Variants in FANCG observed in about 807,000 individuals in gnomAD.
The protein encoded by FANCG is Fanconi anemia group G protein.
FANCG carries 67 observed loss-of-function variants against 73.3 expected under a neutral mutation model. That is an observed-to-expected ratio of 0.91 (90% CI 0.75 to 1.12). The LOEUF (loss-of-function observed/expected upper bound fraction) is 1.12. Ranked by LOEUF, FANCG falls within the 50% of genes most tolerant of loss-of-function variation. The pLI, the probability that FANCG is intolerant of heterozygous loss-of-function variation, is 0.00. For missense variants in FANCG, 643 were observed against 735.6 expected (o/e 0.87, Z 1.46); for synonymous variants, 297 against 311.6 (o/e 0.95, Z 0.49).
chr9:35,076,017 G>C lies in FANCG; in HGVS notation c.1088C>G (p.Ala363Gly). The change falls in exon 9 of 14, where the codon GCT becomes GGT. Residue 363 changes from alanine to glycine, a missense_variant. Coordinates refer to ENST00000378643, the MANE Select transcript of FANCG (RefSeq NM_004629.2). ...CAGCAGGTCCAAGTAATGCTCTGCA[G>C]CGTCTCCTGCCCTGAGGAGTAAAAG... Reference protein sequence around the residue: ...RCLQTGRAGDAAEHYLDLLAL... With the variant: ...RCLQTGRAGDGAEHYLDLLAL... 6.2e-7 allele frequency: 1 copy of C among 1,614,070 alleles called. No individual in the cohort carries two copies. Among genetic ancestry groups the C allele is most frequent in the Non-Finnish European group, 8.5e-7 (1 of 1,180,026 alleles).
chr9:35,079,030 C>A lies in FANCG; in HGVS notation c.175+121G>T, dbSNP rs1829135825. On this transcript the variant is annotated intron_variant, in intron 2 of 13. Transcript: ENST00000378643. ...ACAAAGATGATTCCACTCCAGTCTCCTCTGTGCCTTAAACAGGACTCCCTG... is the reference window on the plus strand; with the variant it reads ...ACAAAGATGATTCCACTCCAGTCTCATCTGTGCCTTAAACAGGACTCCCTG... The A allele has an allele frequency of 4.2e-5, 37 of 871,686 alleles. No individual in the cohort carries two copies. In the South Asian group the frequency reaches 5.3e-4, roughly 12 times the overall value. The allele number at this position is 871,686 out of a possible 1,614,324, so 54.0% of individuals were successfully genotyped here. A position where few individuals can be genotyped will look rare whatever the true frequency, so the allele number is the denominator to read the frequency against.
rs779677132 is a variant in FANCG, at chr9:35,078,165, T to A, written c.486A>T (p.Leu162Phe). ...SADRLGDLAL[L>F]LETLNGSQSG... ...CCTGGCTGCCATTCAGGGTCTCTAG[T>A]AACAAGGCCAGGTCCCCAAGACGGT... The change falls in exon 4 of 14, where the codon TTA becomes TTT. Residue 162 changes from leucine (L) to phenylalanine (F), a missense_variant. Transcript: ENST00000378643. The A allele has an allele frequency of 5.0e-6, 8 of 1,614,082 alleles. No homozygotes were observed. The highest frequency in any genetic ancestry group is 6.8e-6 in the Non-Finnish European group (8 of 1,180,016).
intron 3 of FANCG, 64 bp from the exon 4 acceptor site, chr9:35,078,407 C>A (rs1587143669): frequency 6.4e-7 from 1 of 1,560,294 alleles, no homozygotes; most frequent in East Asian, 2.3e-5. Context: ...TCCTCCATCT[C>A]CCCACACACT....
In FANCG at chr9:35,075,674, G is replaced by T; in HGVS notation, c.1224C>A (p.Gly408=). The T allele has an allele frequency of 6.2e-7, 1 of 1,607,848 alleles. No homozygotes were observed. Among genetic ancestry groups the T allele is most frequent in the Non-Finnish European group, 8.5e-7 (1 of 1,177,588 alleles). Reference sequence around the variant, plus strand: ...ATAGAGTCAAGGCATCTTGGGCTCTGCCTGCCTGGATCAGTGCTACCGCTG... The same window carrying T: ...ATAGAGTCAAGGCATCTTGGGCTCTTCCTGCCTGGATCAGTGCTACCGCTG... ...LEAAVALIQA[G]RAQDALTLCE... The change falls in exon 10 of 14, where the codon GGC becomes GGA. Residue 408 remains glycine, a synonymous_variant. Transcript: ENST00000378643.
intron 8 of FANCG, 32 bp from the exon 9 acceptor site, chr9:35,076,060 A>C: frequency 2.5e-6 from 4 of 1,599,840 alleles, no homozygotes; most frequent in Non-Finnish European, 3.4e-6. Flanking sequence ...GCCTCACCCT[A>C]GGCCCTAGCA....
intron 10 of FANCG, 24 bp from the exon 11 acceptor site, chr9:35,075,349 G>T: frequency 3.1e-6 from 5 of 1,614,044 alleles, no homozygotes; most frequent in Non-Finnish European, 4.2e-6. Flanking sequence ...CAGAACAGGG[G>T]TGAAGAGGAA....
At chr9:35,074,300 C>T in intron 13 of FANCG, 71 bp downstream of exon 13, 2 of 1,613,610 alleles carry the variant, frequency 1.2e-6, no homozygotes, top group Non-Finnish European at 1.7e-6. Flanking sequence ...GTGTTCACCA[C>T]CCACAATAGG....
chr9:35,075,290 TC>T lies in FANCG; in HGVS notation c.1468del (p.Glu490LysfsTer28). On this transcript the variant is annotated frameshift_variant, in exon 11 of 14. Transcript: ENST00000378643. LOFTEE classifies it high-confidence loss of function. ...AAAGTTTAGATCACCTTGTTCTTTTTCCTCAGGTGTGGCCCGGAAGAGCAGC... is the reference window on the plus strand; with the variant it reads ...AAAGTTTAGATCACCTTGTTCTTTTTCTCAGGTGTGGCCCGGAAGAGCAGC... ...LELLFRATPE[E>X]KEQGAAFNCE... The T allele has an allele frequency of 1.9e-6, 3 of 1,614,160 alleles. No homozygotes were observed. The highest frequency in any genetic ancestry group is 2.5e-6 in the Non-Finnish European group (3 of 1,180,034).
Position 35,075,318 on chromosome 9 carries a change from C to G in FANCG, c.1441G>C (p.Glu481Gln), listed in dbSNP as rs772460728. 1.1e-5 allele frequency: 18 copies of G among 1,613,914 alleles called. No individual in the cohort carries two copies. Among genetic ancestry groups the G allele is most frequent in the Non-Finnish European group, 1.4e-5 (16 of 1,180,032 alleles). The change falls in exon 11 of 14, where the codon GAG becomes CAG. Residue 481 changes from glutamate (E) to glutamine (Q), a missense_variant. Transcript: ENST00000378643. ...VAISEFSRCLELLFRATPEEK... is the reference protein window; with the variant it reads ...VAISEFSRCLQLLFRATPEEK... Reference sequence around the variant, plus strand: ...TCAGGTGTGGCCCGGAAGAGCAGCTCGAGGCACCTGAAGTAGGACACAGAA... The same window carrying G: ...TCAGGTGTGGCCCGGAAGAGCAGCTGGAGGCACCTGAAGTAGGACACAGAA...
chr9:35,073,910 C>A lies in FANCG; in HGVS notation c.*198G>T. ...AAGGTGCCTCGAGCAAAGTCAATGACTTGGTGGTGGCAGAGATTGTTTCCT... is the reference window on the plus strand; with the variant it reads ...AAGGTGCCTCGAGCAAAGTCAATGAATTGGTGGTGGCAGAGATTGTTTCCT... On this transcript the variant is annotated 3_prime_UTR_variant, in exon 14 of 14. Coordinates refer to ENST00000378643, the MANE Select transcript of FANCG (RefSeq NM_004629.2). The A allele has an allele frequency of 1.5e-6, 1 of 658,928 alleles. No individual in the cohort carries two copies. Among genetic ancestry groups the A allele is most frequent in the Non-Finnish European group, 2.8e-6 (1 of 362,986 alleles). 40.8% of individuals were successfully genotyped at this position (658,928 alleles called of 1,614,324 possible). A position where few individuals can be genotyped will look rare whatever the true frequency, so the allele number is the denominator to read the frequency against.
rs1829147742 is a variant in FANCG at position 35,079,664 on chromosome 9, A to G, written c.-140T>C. 1.2e-6 allele frequency: 1 copy of G among 814,060 alleles called. No homozygotes were observed. Among genetic ancestry groups the G allele is most frequent in the Non-Finnish European group, 2.1e-6 (1 of 484,966 alleles). The allele number at this position is 814,060 out of a possible 1,614,324, so 50.4% of individuals were successfully genotyped here. A position where few individuals can be genotyped will look rare whatever the true frequency, so the allele number is the denominator to read the frequency against. ...CTCCCCTGCTTCTCTCGGGGTCCCA[A>G]TCCACCCGCCCAGGCTTTCCAGGAC... On this transcript the variant is annotated 5_prime_UTR_variant, in exon 1 of 14. Coordinates refer to ENST00000378643, the MANE Select transcript of FANCG (RefSeq NM_004629.2).
chr9:35,077,338 A>G lies in FANCG; in HGVS notation c.572T>C (p.Leu191Ser), dbSNP rs755361015. 2 of 1,614,056 alleles carry G rather than the reference A, an allele frequency of 1.2e-6. No homozygotes were observed. The highest frequency in any genetic ancestry group is 3.3e-5 in the Admixed American group (2 of 59,996). ...LKTWSPPAEE[L>S]DAPLTLQDAQ... ...ATCCTGCAGGGTCAATGGAGCATCT[A>G]ATTCCTCAGCTGGGGGACTCCAAGT... The change falls in exon 5 of 14, where the codon TTA becomes TCA. Residue 191 changes from leucine to serine, a missense_variant. Coordinates refer to ENST00000378643, the MANE Select transcript of FANCG (RefSeq NM_004629.2).
chr9:35,074,336 C>T (rs2131051605), intron 13 of FANCG, 35 bp downstream of exon 13: 1 of 1,614,142 alleles, frequency 6.2e-7, no homozygotes, highest in Non-Finnish European at 8.5e-7. Context: ...ACACCAACTG[C>T]CCCTCAGCCC....
At chr9:35,078,385 A>G (rs1829125146) in intron 3 of FANCG, 42 bp from the exon 4 acceptor site, 1 of 1,594,394 alleles carries the variant, frequency 6.3e-7, no homozygotes, top group Non-Finnish European at 8.6e-7. Context: ...ACACAGCTGA[A>G]GTAGCACCTC....
intron 8 of FANCG, 44 bp from the exon 9 acceptor site, chr9:35,076,072 G>A (rs767791949): frequency 1.8e-5 from 28 of 1,580,212 alleles, no homozygotes; most frequent in Non-Finnish European, 2.4e-5. Context: ...GCCCTAGCAG[G>A]GAACCTGCAA....
At position 35,073,890 on chromosome 9, in the gene FANCG, G is replaced by A. The variant is rs763090963; in HGVS notation, c.*218C>T. 3.2e-6 allele frequency: 2 copies of A among 617,994 alleles called. No individual in the cohort carries two copies. Among genetic ancestry groups the A allele is most frequent in the Non-Finnish European group, 5.8e-6 (2 of 346,406 alleles). 38.3% of individuals were successfully genotyped at this position (617,994 alleles called of 1,614,324 possible). On this transcript the variant is annotated 3_prime_UTR_variant, in exon 14 of 14. Transcript: ENST00000378643. ...GAAAAGGAGAAACAGGAAAAAAGGT[G>A]CCTCGAGCAAAGTCAATGACTTGGT...
chr9:35,078,121 C>T lies in FANCG; in HGVS notation c.510+20G>A. 1 of 1,610,028 alleles carries T rather than the reference C, an allele frequency of 6.2e-7. No homozygotes were observed. The highest frequency in any genetic ancestry group is 1.1e-5 in the South Asian group (1 of 90,986). On this transcript the variant is annotated intron_variant, in intron 4 of 13. Coordinates refer to ENST00000378643, the MANE Select transcript of FANCG (RefSeq NM_004629.2). ...GAAGGAAGGAGGAGACCCTCAGCTT[C>T]AGGTCACTTTCCCTATTACCTGGCT...
Position 35,076,382 on chromosome 9 carries a change from G to A in FANCG, c.1076+50C>T, listed in dbSNP as rs754317012. 17 of 1,607,062 alleles carry A rather than the reference G, an allele frequency of 1.1e-5. No individual in the cohort carries two copies. In the East Asian group the frequency reaches 3.8e-4, roughly 36 times the overall value. Reference sequence around the variant, plus strand: ...ACAAAAGCAGAGTCACACCCCAGGGGAGGCATCAGAAGTGGGAAGAGAAGC... The same window carrying A: ...ACAAAAGCAGAGTCACACCCCAGGGAAGGCATCAGAAGTGGGAAGAGAAGC... On this transcript the variant is annotated intron_variant, in intron 8 of 13. Coordinates refer to ENST00000378643, the MANE Select transcript of FANCG (RefSeq NM_004629.2).
chr9:35,078,916 G>A (rs1384249197), intron 2 of FANCG, among the ~76,000 whole-genome samples, 180 bp from the exon 3 acceptor site: 1 of 152,168 alleles, frequency 6.6e-6, no homozygotes, highest in African/African-American at 2.4e-5. Context: ...TCTGGAAAGG[G>A]CAAAAAAGTT....
Sources: allele counts gnomAD v4.1 joint callset (sites outside exome capture counted in the v4.1 genomes callset), GRCh38; gene constraint gnomAD v4.1.1; transcripts MANE v1.5; gene names NCBI Gene and HGNC (gene_info 2026-07-23, HGNC 2026-07-21).